RFX3: variants seen among roughly 807,000 people sequenced by gnomAD.
RFX3 encodes regulatory factor X3.
In RFX3, 14 loss-of-function variants were observed where a neutral mutation model predicts 98.6. That is an observed-to-expected ratio of 0.14 (90% CI 0.09 to 0.22). The LOEUF (loss-of-function observed/expected upper bound fraction) is 0.22. Among genes scored for constraint, RFX3 ranks in the 10% least tolerant of loss-of-function variants. The pLI, the probability that RFX3 is intolerant of heterozygous loss-of-function variation, is 1.00. For missense variants in RFX3, 639 were observed against 926.9 expected (o/e 0.69, Z 4.03); for synonymous variants, 383 against 328.4 (o/e 1.17, Z -1.80).
At chr9:3,258,298 T>A (rs1822399331) in intron 13 of RFX3, among the ~76,000 whole-genome samples, 1 of 152,154 alleles carries the variant, frequency 6.6e-6, no homozygotes, top group Non-Finnish European at 1.5e-5. Context: ...ACATATGTAT[T>A]TTTCTCAAAA....
At chr9:3,363,912 G>C (rs1430730137) in intron 2 of RFX3, among the ~76,000 whole-genome samples, 2 of 152,346 alleles carry the variant, frequency 1.3e-5, no homozygotes, top group East Asian at 1.9e-4. Flanking sequence ...GTCTCACTTT[G>C]TCACCCAGGC....
At chr9:3,334,122 C>T (rs1421785464) in intron 3 of RFX3, among the ~76,000 whole-genome samples, 3 of 152,118 alleles carry the variant, frequency 2.0e-5, no homozygotes, top group Admixed American at 1.3e-4. Context: ...CTTTTTATAT[C>T]TGTCAATGAT....
intron 1 of RFX3, among the ~76,000 whole-genome samples, chr9:3,484,765 G>A (rs953923825): frequency 6.6e-6 from 1 of 152,108 alleles, no homozygotes; most frequent in Non-Finnish European, 1.5e-5. Context: ...GCCTACCACA[G>A]AATATAGTAA....
intron 1 of RFX3, among the ~76,000 whole-genome samples, chr9:3,470,844 G>A (rs111437170): frequency 8.1e-4 from 123 of 152,182 alleles, no homozygotes; most frequent in Non-Finnish European, 1.4e-3. Flanking sequence ...AGCAGGATAA[G>A]ATAGATGACC....
intron 1 of RFX3, among the ~76,000 whole-genome samples, chr9:3,414,142 T>C (rs979472082): frequency 8.5e-5 from 13 of 152,144 alleles, no homozygotes; most frequent in African/African-American, 1.2e-4. Flanking sequence ...AAAGATCAAA[T>C]ACTTTTCCTA....
chr9:3,279,090 T>G (rs1343874860), intron 7 of RFX3, among the ~76,000 whole-genome samples: 3 of 151,850 alleles, frequency 2.0e-5, no homozygotes, highest in Non-Finnish European at 4.4e-5. Flanking sequence ...TTTTTTTTCC[T>G]CCTTAAAGAA....
At chr9:3,415,256 C>T (rs888516523) in intron 1 of RFX3, among the ~76,000 whole-genome samples, 1 of 145,720 alleles carries the variant, frequency 6.9e-6, no homozygotes, top group South Asian at 2.1e-4. Context: ...GCTCTGTTGC[C>T]CAGGCTAGGG....
intron 2 of RFX3, among the ~76,000 whole-genome samples, chr9:3,348,727 G>C (rs777854665): frequency 6.6e-6 from 1 of 151,884 alleles, no homozygotes; most frequent in African/African-American, 2.4e-5. Context: ...GTATCCTTAC[G>C]ATTCTCAGCT....
intron 12 of RFX3, among the ~76,000 whole-genome samples, chr9:3,264,465 T>TG (rs374792370): frequency 6.6e-6 from 1 of 152,136 alleles, no homozygotes; most frequent in African/African-American, 2.4e-5. Flanking sequence ...ATTTGGAACT[T>TG]GGGGGGAAGC....
chr9:3,442,336 A>C (rs1027948570), intron 1 of RFX3, among the ~76,000 whole-genome samples: 6 of 150,830 alleles, frequency 4.0e-5, no homozygotes, highest in Non-Finnish European at 7.4e-5. Flanking sequence ...CACCTCTCCC[A>C]AAAAAAAATC....
intron 1 of RFX3, among the ~76,000 whole-genome samples, chr9:3,463,410 G>T (rs1422577149): frequency 6.6e-6 from 1 of 151,860 alleles, no homozygotes; most frequent in Non-Finnish European, 1.5e-5. Context: ...GCTACTAGAA[G>T]AACATACAAG....
chr9:3,446,229 T>C (rs925199462), intron 1 of RFX3, among the ~76,000 whole-genome samples: 1 of 152,114 alleles, frequency 6.6e-6, no homozygotes, highest in African/African-American at 2.4e-5. Flanking sequence ...AGTACTTGCA[T>C]AGGGCAGAGG....
chr9:3,453,598 T>G (rs1299774890), intron 1 of RFX3: 1 of 152,902 alleles, frequency 6.5e-6, no homozygotes, highest in Non-Finnish European at 1.4e-5. Flanking sequence ...TAATCCCAGC[T>G]ACTTGGGAGG....
intron 2 of RFX3, among the ~76,000 whole-genome samples, chr9:3,389,472 T>C (rs531453234): frequency 4.3e-4 from 66 of 152,270 alleles, no homozygotes; most frequent in African/African-American, 1.5e-3. Context: ...TTTTATTGAA[T>C]TGGGCAACAA....
rs1817357783 is a variant in RFX3 at position 3,221,889 on chromosome 9, A to G, written c.*3153T>C. The G allele has an allele frequency of 6.6e-6, 1 of 152,092 alleles. No individual in the cohort carries two copies. The allele number at this position is 152,092 out of a possible 1,614,324, so 9.4% of individuals were successfully genotyped here. A position where few individuals can be genotyped will look rare whatever the true frequency, so the allele number is the denominator to read the frequency against. ...TCACTGAAAGTGTAGGACTTGGTTT[A>G]TGTAGGTATATTTCATGACTAGTGA... On this transcript the variant is annotated 3_prime_UTR_variant, in exon 17 of 17. Coordinates refer to ENST00000617270, the MANE Select transcript of RFX3 (RefSeq NM_001282116.2).
intron 15 of RFX3, chr9:3,246,996 T>G (rs1406587399): frequency 1.2e-6 from 1 of 864,384 alleles, no homozygotes; most frequent in Non-Finnish European, 1.4e-6. Context: ...TATTTTTATT[T>G]ATACCTTATT....
At chr9:3,307,909 A>G (rs1829519803) in intron 4 of RFX3, among the ~76,000 whole-genome samples, 1 of 152,014 alleles carries the variant, frequency 6.6e-6, no homozygotes, top group Admixed American at 6.6e-5. Context: ...GATTCTTTCA[A>G]TTTTTTAAAA....
intron 2 of RFX3, among the ~76,000 whole-genome samples, chr9:3,379,169 C>T (rs1018825576): frequency 1.3e-5 from 2 of 152,054 alleles, no homozygotes; most frequent in African/African-American, 4.8e-5. Context: ...CATCAATGTA[C>T]ATTACAGTTT....
At chr9:3,241,498 C>T (rs1819922900) in intron 15 of RFX3, among the ~76,000 whole-genome samples, 1 of 152,074 alleles carries the variant, frequency 6.6e-6, no homozygotes, top group African/African-American at 2.4e-5. Context: ...AGAACCGCAG[C>T]CCTGGGCTGC....
Sources: gnomAD v4.1 joint callset for allele counts (sites outside exome capture counted in the v4.1 genomes callset) on GRCh38, gnomAD v4.1.1 for gene constraint, MANE v1.5 for transcripts, NCBI Gene and HGNC (gene_info 2026-07-23, HGNC 2026-07-21) for gene names.